Variants in MYO7B observed in about 807,000 individuals in gnomAD.
MYO7B encodes unconventional myosin-VIIb.
MYO7B carries 212 observed loss-of-function variants against 259.7 expected under a neutral mutation model. That is an observed-to-expected ratio of 0.82 (90% CI 0.73 to 0.91). The LOEUF (loss-of-function observed/expected upper bound fraction) is 0.91. Ranked by LOEUF, MYO7B falls within the 40% of genes least tolerant of loss-of-function variation. The pLI, the probability that MYO7B is intolerant of heterozygous loss-of-function variation, is 0.00. For missense variants in MYO7B, 2,732 were observed against 2,813.5 expected (o/e 0.97, Z 0.66); for synonymous variants, 1,197 against 1,166.4 (o/e 1.03, Z -0.54).
rs112291658 is a variant in MYO7B at position 127,544,107 on chromosome 2, T to C, written c.-24+8276T>C. On this transcript the variant is annotated intron_variant, in intron 1 of 47. Transcript: ENST00000409816. ...TTATAATATTTTAGTGATGGAGTCT[T>C]GCTCTGTCACCCAGGCTGAAGTGCA... 5.9e-3 allele frequency among the ~76,000 whole-genome samples: 896 copies of C among 151,152 alleles called. 9 individuals are homozygous for C. Among genetic ancestry groups the C allele is most frequent in the African/African-American group, 0.021 (845 of 41,176 alleles).
intron 1 of MYO7B, among the ~76,000 whole-genome samples, chr2:127,537,251 G>A (rs532740462): frequency 7.2e-5 from 11 of 152,234 alleles, no homozygotes; most frequent in African/African-American, 1.9e-4. Flanking sequence ...TATCATGCCC[G>A]CTGAAACTGG....
In MYO7B at chr2:127,576,687, C is replaced by T. The variant is rs757532483; in HGVS notation, c.828C>T (p.Ser276=). 29 of 1,607,682 alleles carry T rather than the reference C, an allele frequency of 1.8e-5. No individual in the cohort carries two copies. Among genetic ancestry groups the T allele is most frequent in the South Asian group, 1.1e-4 (10 of 90,790 alleles). Reference sequence around the variant, plus strand: ...AGCTGCTGAGCCTGGGCACGCCCTCCGAGTACCACTACCTGACCATGGTGA... The same window carrying T: ...AGCTGCTGAGCCTGGGCACGCCCTCTGAGTACCACTACCTGACCATGGTGA... The part of the protein sequence containing the change: ...DKQLLSLGTP[S]EYHYLTMGNC... Residue 276 remains serine (S), a synonymous_variant, in exon 8 of 48, where the codon TCC becomes TCT. Coordinates refer to ENST00000409816, the MANE Select transcript of MYO7B (RefSeq NM_001393586.1). The surrounding 1 kb of genome is among the most constrained non-coding windows in gnomAD (Gnocchi z 4.9).
rs981055926 is a variant in MYO7B at position 127,623,330 on chromosome 2, C to T, written c.3774C>T (p.Leu1258=). ...TGCACATCGCTCACAAGCAGGGCCTCAGCGACCACCTGGGCTTCTCCCTCC... is the reference window on the plus strand; with the variant it reads ...TGCACATCGCTCACAAGCAGGGCCTTAGCGACCACCTGGGCTTCTCCCTCC... ...MCMHIAHKQG[L]SDHLGFSLQV... Residue 1258 remains leucine, a synonymous_variant, in exon 29 of 48, where the codon CTC becomes CTT. Transcript: ENST00000409816. 2.5e-6 allele frequency: 4 copies of T among 1,610,498 alleles called. No individual in the cohort carries two copies. The Admixed American group carries it at 5.0e-5, about 20-fold the overall frequency.
In MYO7B at chr2:127,637,363, G is replaced by A; in HGVS notation, c.6375G>A (p.Leu2125=). Residue 2125 remains leucine, a synonymous_variant, in exon 48 of 48, where the codon CTG becomes CTA. Coordinates refer to ENST00000409816, the MANE Select transcript of MYO7B (RefSeq NM_001393586.1). Reference sequence around the variant, plus strand: ...TGACCTCATATGTGCAGCAGCTCCTGAGTGCCATGAACAAGCAGCGGGGCT... The same window carrying A: ...TGACCTCATATGTGCAGCAGCTCCTAAGTGCCATGAACAAGCAGCGGGGCT... ...DLLTSYVQQL[L]SAMNKQRGSK... The A allele has an allele frequency of 6.3e-7, 1 of 1,592,698 alleles. No homozygotes were observed. Among genetic ancestry groups the A allele is most frequent in the Non-Finnish European group, 8.5e-7 (1 of 1,170,066 alleles).
intron 1 of MYO7B, among the ~76,000 whole-genome samples, chr2:127,549,374 G>T (rs1464958818): frequency 6.6e-6 from 1 of 152,112 alleles, no homozygotes; most frequent in African/African-American, 2.4e-5. Context: ...TCGTTACGTG[G>T]ATACATTGCG....
chr2:127,631,205 G>A lies in MYO7B; in HGVS notation c.4938-1G>A, dbSNP rs1310995804. On this transcript the variant is annotated splice_acceptor_variant, in intron 36 of 47. Coordinates refer to ENST00000409816, the MANE Select transcript of MYO7B (RefSeq NM_001393586.1). LOFTEE classifies it high-confidence loss of function. Reference sequence around the variant, plus strand: ...CCTCACACCAGCCTCTAACCTCACAGGGCTCCAGAGAAGGACATGGTGAGC... The same window carrying A: ...CCTCACACCAGCCTCTAACCTCACAAGGCTCCAGAGAAGGACATGGTGAGC... 3.8e-6 allele frequency: 6 copies of A among 1,595,388 alleles called. No individual in the cohort carries two copies. Among genetic ancestry groups the A allele is most frequent in the Non-Finnish European group, 5.1e-6 (6 of 1,167,304 alleles).
rs567209745 is a variant in MYO7B at position 127,631,284 on chromosome 2, C to T, written c.5016C>T (p.Cys1672=). Residue 1672 remains cysteine, a synonymous_variant, in exon 37 of 48, where the codon TGC becomes TGT. Transcript: ENST00000409816. The part of the protein sequence containing the change: ...RARGHLWAYS[C]EPLRQPLLKR... ...GTGGCCACCTGTGGGCCTATTCCTG[C>T]GAGCCGCTGCGACAGCCGCTGCTCA... 43 of 1,612,016 alleles carry T rather than the reference C, an allele frequency of 2.7e-5. No individual in the cohort carries two copies. The highest frequency in any genetic ancestry group is 2.1e-4 in the South Asian group (19 of 91,002).
At position 127,584,170 on chromosome 2, in the gene MYO7B, C is replaced by A. The variant is rs1558816174; in HGVS notation, c.1392C>A (p.Phe464Leu). The A allele has an allele frequency of 3.1e-6, 5 of 1,613,956 alleles. No individual in the cohort carries two copies. Among genetic ancestry groups the A allele is most frequent in the Non-Finnish European group, 4.2e-6 (5 of 1,179,874 alleles). Residue 464 changes from phenylalanine (F) to leucine (L), a missense_variant, in exon 13 of 48, where the codon TTC (phenylalanine) becomes TTA (leucine). Phe to Leu is a conservative substitution (Grantham distance 22). Around this residue, in one of 3 missense-constraint regions of MYO7B, gnomAD observed 1,906 missense variants for 2,026.4 expected, o/e 0.94. Coordinates refer to ENST00000409816, the MANE Select transcript of MYO7B (RefSeq NM_001393586.1). The surrounding 1 kb of genome is among the most constrained non-coding windows in gnomAD (Gnocchi z 5.8). Reference sequence around the variant, plus strand: ...TCGCCAACGAGCACCTGCAGCAGTTCTTTGTGCAGCACGTGTTCACCATGG... The same window carrying A: ...TCGCCAACGAGCACCTGCAGCAGTTATTTGTGCAGCACGTGTTCACCATGG... ...INFANEHLQQ[F>L]FVQHVFTMEQ...
rs1412587224 is a variant in MYO7B, at chr2:127,630,770, C to A, written c.4807-8C>A. On this transcript the variant is annotated splice_region_variant and splice_polypyrimidine_tract_variant and intron_variant, in intron 35 of 47. Coordinates refer to ENST00000409816, the MANE Select transcript of MYO7B (RefSeq NM_001393586.1). The stretch of plus-strand genomic sequence containing the variant: ...TCCTGGGCACCCACAGGCCTGTGCC[C>A]CCTTCAGAGCTTGCTTGCCATGTCA... 3 of 1,612,540 alleles carry A rather than the reference C, an allele frequency of 1.9e-6. No individual in the cohort carries two copies. The highest frequency in any genetic ancestry group is 1.7e-6 in the Non-Finnish European group (2 of 1,179,732).
Position 127,609,723 on chromosome 2 carries a change from G to A in MYO7B, c.3024+8G>A. 1 of 1,613,932 alleles carries A rather than the reference G, an allele frequency of 6.2e-7. No individual in the cohort carries two copies. Among genetic ancestry groups the A allele is most frequent in the Non-Finnish European group, 8.5e-7 (1 of 1,179,850 alleles). The stretch of plus-strand genomic sequence containing the variant: ...GATGACACTGACTGCTTGGTACCAG[G>A]GTTCACTGGCTTCTAGTGGATCAGG... On this transcript the variant is annotated splice_region_variant and intron_variant, in intron 23 of 47. Transcript: ENST00000409816. The surrounding 1 kb of genome is among the most constrained non-coding windows in gnomAD (Gnocchi z 6.9).
intron 42 of MYO7B, 77 bp downstream of exon 42, chr2:127,634,760 C>T (rs1681708510): frequency 1.6e-6 from 2 of 1,278,776 alleles, no homozygotes; most frequent in South Asian, 1.3e-5. Context: ...CTGTGCGGCC[C>T]ATGCCCATTC....
rs893920873 is a variant in MYO7B, at chr2:127,586,326, G to A, written c.1690+1413G>A. On this transcript the variant is annotated intron_variant, in intron 14 of 47. Coordinates refer to ENST00000409816, the MANE Select transcript of MYO7B (RefSeq NM_001393586.1). The surrounding 1 kb of genome is among the most constrained non-coding windows in gnomAD (Gnocchi z 4.8). ...GCCAAGAAAAACGAGGAAGGTGGCC[G>A]TGGGCTGCTGTGGTCAGGAAAGCAG... Among the ~76,000 whole-genome samples the A allele has an allele frequency of 3.3e-5, 5 of 152,200 alleles. No individual in the cohort carries two copies. The highest frequency in any genetic ancestry group is 5.9e-5 in the Non-Finnish European group (4 of 68,040).
chr2:127,634,733 G>A, intron 42 of MYO7B, 50 bp downstream of exon 42: 2 of 1,503,960 alleles, frequency 1.3e-6, no homozygotes, highest in Non-Finnish European at 1.8e-6. Context: ...GGTGGGTCGA[G>A]GGGGCACTGG....
At chr2:127,626,874 C>T in intron 31 of MYO7B, 101 bp from the exon 32 acceptor site, 1 of 1,106,374 alleles carries the variant, frequency 9.0e-7, no homozygotes, top group South Asian at 1.5e-5. Context: ...CCTTGTAGAG[C>T]CTTCTCAGAA....
chr2:127,622,714 G>A (rs986073083), intron 28 of MYO7B, among the ~76,000 whole-genome samples: 5 of 152,180 alleles, frequency 3.3e-5, no homozygotes, highest in African/African-American at 1.2e-4. Context: ...CCCTGCCCCC[G>A]AGCCCACAGG....
At position 127,590,171 on chromosome 2, in the gene MYO7B, C is replaced by A. The variant is rs1467645947; in HGVS notation, c.1934C>A (p.Thr645Asn). The A allele has an allele frequency of 1.2e-6, 2 of 1,612,606 alleles. No individual in the cohort carries two copies. Among genetic ancestry groups the A allele is most frequent in the African/African-American group, 1.3e-5 (1 of 74,918 alleles). ...QSLDQLMKIL[T>N]NCQPYFIRCI... ...CTGGACCAGCTGATGAAAATCCTGACCAACTGCCAGCCTTACTTCATCCGC... is the reference window on the plus strand; with the variant it reads ...CTGGACCAGCTGATGAAAATCCTGAACAACTGCCAGCCTTACTTCATCCGC... Residue 645 changes from threonine (T) to asparagine (N), a missense_variant, in exon 16 of 48, where the codon ACC (threonine) becomes AAC (asparagine). Coordinates refer to ENST00000409816, the MANE Select transcript of MYO7B (RefSeq NM_001393586.1). The surrounding 1 kb of genome is among the most constrained non-coding windows in gnomAD (Gnocchi z 4.6).
In MYO7B at chr2:127,616,862, G is replaced by A. The variant is rs58515053; in HGVS notation, c.3399-3478G>A. On this transcript the variant is annotated intron_variant, in intron 26 of 47. Transcript: ENST00000409816. ...TGATGAAATTTTGAGTGGCACTGATGAGCCCAATGATTTCCTTTATTGCAA... is the reference window on the plus strand; with the variant it reads ...TGATGAAATTTTGAGTGGCACTGATAAGCCCAATGATTTCCTTTATTGCAA... Among the ~76,000 whole-genome samples, 405 of 152,314 alleles carry A rather than the reference G, an allele frequency of 2.7e-3. 4 individuals carry two copies. The highest frequency in any genetic ancestry group is 8.9e-3 in the African/African-American group (371 of 41,570).
In MYO7B at chr2:127,613,158, AT is replaced by A. The variant is rs1680452447; in HGVS notation, c.3398+560del. Among the ~76,000 whole-genome samples, 1 of 152,070 alleles carries A rather than the reference AT, an allele frequency of 6.6e-6. No individual in the cohort carries two copies. The highest frequency in any genetic ancestry group is 2.1e-4 in the South Asian group (1 of 4,824). The stretch of plus-strand genomic sequence containing the variant: ...ACTGTTGGTCATTATTTCTTCACAT[AT>A]TTTTCTACCCCATTCTGTCTCTCTC... On this transcript the variant is annotated intron_variant, in intron 26 of 47. Coordinates refer to ENST00000409816, the MANE Select transcript of MYO7B (RefSeq NM_001393586.1). This position sits in a 1 kb window ranked among gnomAD's most constrained non-coding sequence, Gnocchi z 4.3.
At chr2:127,596,922 C>T (rs2104991691) in intron 19 of MYO7B, among the ~76,000 whole-genome samples, 1 of 152,314 alleles carries the variant, frequency 6.6e-6, no homozygotes, top group African/African-American at 2.4e-5. Flanking sequence ...GCCTGGGTTC[C>T]CTGGTCAGTA....
Sources: allele counts gnomAD v4.1 joint callset (sites outside exome capture counted in the v4.1 genomes callset), GRCh38; gene constraint gnomAD v4.1.1; regional missense constraint gnomAD v4.1.1; non-coding constraint Gnocchi (gnomAD v3.1); transcripts MANE v1.5; gene names NCBI Gene and HGNC (gene_info 2026-07-23, HGNC 2026-07-21).